SNAP47: variants seen among roughly 807,000 people sequenced by gnomAD.
The protein encoded by SNAP47 is synaptosomal-associated protein 47.
In SNAP47, 20 loss-of-function variants were observed where a neutral mutation model predicts 31.4. The ratio of observed to expected loss-of-function variants is 0.64; its 90% confidence interval spans 0.45 to 0.93. SNAP47 has a LOEUF of 0.93. Ranked by LOEUF, SNAP47 falls within the 40% of genes least tolerant of loss-of-function variation. The pLI is 0.00. For missense variants in SNAP47, 492 were observed against 528.5 expected, an observed-to-expected ratio of 0.93 and a Z score of 0.68; for synonymous variants, 194 against 213.4, an observed-to-expected ratio of 0.91 and a Z score of 0.79.
chr1:227,729,213 G>C (rs1660486964), intron 1 of SNAP47, among the ~76,000 whole-genome samples: 2 of 152,194 alleles, frequency 1.3e-5, no homozygotes, highest in Admixed American at 6.5e-5. Context: ...CTGTGGAAGG[G>C]GACTTCTGGG....
At position 227,774,977 on chromosome 1, in the gene SNAP47, C is replaced by T. The variant is rs141901354; in HGVS notation, c.1114-5550C>T. ...GTTTCCTGTGCACGCCTGGAGTGAG[C>T]TCAGCTGGCCCGGCTGAATCAAAGT... On this transcript the variant is annotated intron_variant, in intron 4 of 4. Transcript: ENST00000617596. Among the ~76,000 whole-genome samples the T allele has an allele frequency of 6.5e-3, 996 of 152,326 alleles. 10 individuals are homozygous for T. The highest frequency in any genetic ancestry group is 0.013 in the South Asian group (63 of 4,828).
At chr1:227,734,028 A>C, upstream of SNAP47, 1 of 1,613,024 alleles carries the variant, frequency 6.2e-7, no homozygotes, top group Non-Finnish European at 8.5e-7. Context: ...TCCACCGGAA[A>C]GTCCCTGTGA....
intron 4 of SNAP47, among the ~76,000 whole-genome samples, chr1:227,778,076 A>G (rs1443682387): frequency 6.6e-6 from 1 of 152,232 alleles, no homozygotes; most frequent in Non-Finnish European, 1.5e-5. Flanking sequence ...TTAATCCCAA[A>G]TTTGAGTTAT....
At chr1:227,737,242 G>A (rs186957220) in intron 1 of SNAP47, among the ~76,000 whole-genome samples, 3 of 152,364 alleles carry the variant, frequency 2.0e-5, no homozygotes, top group South Asian at 4.1e-4. Context: ...TATTGCCCCC[G>A]AAGCCTGGCA....
chr1:227,764,094 G>A (rs1286902605), intron 3 of SNAP47, among the ~76,000 whole-genome samples: 1 of 152,174 alleles, frequency 6.6e-6, no homozygotes, highest in African/African-American at 2.4e-5. Flanking sequence ...CCGGACAGTC[G>A]AGTCACCCCA....
At chr1:227,766,085 G>A (rs929429523) in intron 3 of SNAP47, among the ~76,000 whole-genome samples, 15 of 152,166 alleles carry the variant, frequency 9.9e-5, no homozygotes, top group African/African-American at 3.6e-4. Flanking sequence ...CTGCTCCCGG[G>A]CTGCATCCAT....
chr1:227,762,461 G>A lies in SNAP47; in HGVS notation c.988+2976G>A, dbSNP rs987425292. On this transcript the variant is annotated intron_variant, in intron 3 of 4. Transcript: ENST00000617596. The surrounding 1 kb of genome is among the most constrained non-coding windows in gnomAD (Gnocchi z 4.2). ...TGCCGCCTGCTGCTGTTGTCCATGC[G>A]TAGGCACAGGGACTCTGTGCCAGCT... Among the ~76,000 whole-genome samples, 2 of 152,208 alleles carry A rather than the reference G, an allele frequency of 1.3e-5. No individual in the cohort carries two copies. Among genetic ancestry groups the A allele is most frequent in the African/African-American group, 4.8e-5 (2 of 41,470 alleles).
At chr1:227,732,852 A>G (rs1247586624), upstream of SNAP47, 8 of 1,611,186 alleles carry the variant, frequency 5.0e-6, no homozygotes, top group Middle Eastern at 1.9e-4. Flanking sequence ...CTCCCCCAGG[A>G]GGGTAGCCTC....
chr1:227,735,375 G>T (rs1457481406), upstream of SNAP47: 7 of 1,589,046 alleles, frequency 4.4e-6, no homozygotes, highest in Admixed American at 1.7e-5. Context: ...CCGCGTTTCT[G>T]CCCCGCCAGC....
At chr1:227,765,545 C>T (rs982096319) in intron 3 of SNAP47, among the ~76,000 whole-genome samples, 1 of 152,178 alleles carries the variant, frequency 6.6e-6, no homozygotes, top group Non-Finnish European at 1.5e-5. Context: ...AGTAGTGGGC[C>T]GCAGCTTCCC....
At chr1:227,743,133 C>T (rs1382998153) in intron 1 of SNAP47, among the ~76,000 whole-genome samples, 3 of 152,088 alleles carry the variant, frequency 2.0e-5, no homozygotes, top group Non-Finnish European at 4.4e-5. Flanking sequence ...TGAGTATTCC[C>T]CGGTTGCAGA....
At chr1:227,752,451 GTT>G (rs1293135894) in intron 2 of SNAP47, among the ~76,000 whole-genome samples, 1 of 151,874 alleles carries the variant, frequency 6.6e-6, no homozygotes, top group Non-Finnish European at 1.5e-5. Context: ...GTTTCTGTGA[GTT>G]TGGCTTCTTT....
chr1:227,780,304 C>T (rs2103009452), intron 4 of SNAP47, among the ~76,000 whole-genome samples: 1 of 152,328 alleles, frequency 6.6e-6, no homozygotes, highest in South Asian at 2.1e-4. Context: ...AGGCAGCTGG[C>T]AGGAGGTGGG....
At position 227,763,585 on chromosome 1, in the gene SNAP47, C is replaced by G. The variant is rs966069027; in HGVS notation, c.989-3374C>G. ...GGAGCCTGCTGTGGCACCGCGGGCT[C>G]GGGTTGGGCTGACTGGGGAGCCTGG... On this transcript the variant is annotated intron_variant, in intron 3 of 4. Coordinates refer to ENST00000617596, the MANE Select transcript of SNAP47 (RefSeq NM_053052.4). This position sits in a 1 kb window ranked among gnomAD's most constrained non-coding sequence, Gnocchi z 4.2. Among the ~76,000 whole-genome samples the G allele has an allele frequency of 1.3e-5, 2 of 152,188 alleles. No individual in the cohort carries two copies. Among genetic ancestry groups the G allele is most frequent in the Admixed American group, 1.3e-4 (2 of 15,276 alleles).
intron 4 of SNAP47, among the ~76,000 whole-genome samples, chr1:227,772,168 A>T (rs933579115): frequency 6.6e-6 from 1 of 152,186 alleles, no homozygotes; most frequent in Non-Finnish European, 1.5e-5. Flanking sequence ...GTGTTATAGC[A>T]GTGGGGAGTT....
chr1:227,741,694 C>G lies in SNAP47; in HGVS notation c.-45-5998C>G, dbSNP rs922597132. Among the ~76,000 whole-genome samples, 1 of 152,066 alleles carries G rather than the reference C, an allele frequency of 6.6e-6. No homozygotes were observed. ...GAAAAGGGACCACGTTCTCCTGTGGCCTCTGTGTGGGGCCAGGCGTGTCGT... is the reference window on the plus strand; with the variant it reads ...GAAAAGGGACCACGTTCTCCTGTGGGCTCTGTGTGGGGCCAGGCGTGTCGT... On this transcript the variant is annotated intron_variant, in intron 1 of 4. Coordinates refer to ENST00000617596, the MANE Select transcript of SNAP47 (RefSeq NM_053052.4). The surrounding 1 kb of genome is among the most constrained non-coding windows in gnomAD (Gnocchi z 4.2).
At chr1:227,729,995 T>A (rs1235090922) in intron 1 of SNAP47, among the ~76,000 whole-genome samples, 2 of 152,196 alleles carry the variant, frequency 1.3e-5, no homozygotes, top group African/African-American at 4.8e-5. Context: ...TGCACAGCCA[T>A]TGTCCCCACA....
chr1:227,751,744 G>GTGTTTT (rs1662370539), intron 2 of SNAP47, among the ~76,000 whole-genome samples: 1 of 69,138 alleles, frequency 1.4e-5, no homozygotes, highest in African/African-American at 5.6e-5. Context: ...TAAAGACTTG[G>GTGTTTT]TTTTTTTTTT....
In SNAP47 at chr1:227,759,279, A is replaced by G. The variant is rs767151874; in HGVS notation, c.782A>G (p.His261Arg). 3 of 1,614,214 alleles carry G rather than the reference A, an allele frequency of 1.9e-6. No homozygotes were observed. Among genetic ancestry groups the G allele is most frequent in the South Asian group, 2.2e-5 (2 of 91,086 alleles). ...GAAGACGTGGACGACATCAAGGTCCACTCACCTTACGAAATTAGCATCCGC... is the reference window on the plus strand; with the variant it reads ...GAAGACGTGGACGACATCAAGGTCCGCTCACCTTACGAAATTAGCATCCGC... ...EREDVDDIKVHSPYEISIRQR... is the reference protein window; with the variant it reads ...EREDVDDIKVRSPYEISIRQR... Residue 261 changes from histidine to arginine, a missense_variant, in exon 3 of 5, where the codon CAC becomes CGC. Coordinates refer to ENST00000617596, the MANE Select transcript of SNAP47 (RefSeq NM_053052.4).
Sources: allele counts gnomAD v4.1 joint callset (sites outside exome capture counted in the v4.1 genomes callset), GRCh38; gene constraint gnomAD v4.1.1; non-coding constraint Gnocchi (gnomAD v3.1); transcripts MANE v1.5; gene names NCBI Gene and HGNC (gene_info 2026-07-23, HGNC 2026-07-21).